Variants in PLSCR1 observed in about 807,000 individuals in gnomAD.
PLSCR1 encodes the protein PL scramblase 1.
Under a neutral mutation model 37.8 loss-of-function variants are expected in PLSCR1, and 17 were observed. The ratio of observed to expected loss-of-function variants is 0.45; its 90% confidence interval spans 0.31 to 0.68. The LOEUF is 0.68. Among genes scored for constraint, PLSCR1 ranks in the 30% least tolerant of loss-of-function variants. PLSCR1 has a pLI of 0.06. For missense variants in PLSCR1, 347 were observed against 380.9 expected (o/e 0.91, Z 0.74); for synonymous variants, 116 against 125.9 (o/e 0.92, Z 0.53).
rs752825079 is a variant in PLSCR1 at position 146,525,699 on chromosome 3, A to G, written c.313-52T>C. The stretch of plus-strand genomic sequence containing the variant: ...ATGTATATGTCAAATGAAGGTTTTT[A>G]TAAGCTAACCAAATTAAAATTCATG... On this transcript the variant is annotated intron_variant, in intron 4 of 8. Transcript: ENST00000342435. 3.7e-6 allele frequency: 3 copies of G among 809,272 alleles called. No individual in the cohort carries two copies. In the South Asian group the frequency reaches 4.9e-5, roughly 13 times the overall value. The allele number at this position is 809,272 out of a possible 1,614,324, so 50.1% of individuals were successfully genotyped here. A position where few individuals can be genotyped will look rare whatever the true frequency, so the allele number is the denominator to read the frequency against.
At chr3:146,516,549 T>A (rs2043949300) in intron 8 of PLSCR1, 1 of 167,386 alleles carries the variant, frequency 6.0e-6, no homozygotes, top group South Asian at 1.6e-4. Context: ...ATCCAATTAT[T>A]TCCTGTAATT....
At chr3:146,523,214 G>A (rs1235309758) in intron 5 of PLSCR1, among the ~76,000 whole-genome samples, 1 of 152,164 alleles carries the variant, frequency 6.6e-6, no homozygotes, top group Non-Finnish European at 1.5e-5. Context: ...AAGTGTGGAG[G>A]GGCAACCCAT....
chr3:146,516,056 C>T lies in PLSCR1; in HGVS notation c.946G>A (p.Gly316Arg). 6.2e-7 allele frequency: 1 copy of T among 1,607,554 alleles called. No homozygotes were observed. The highest frequency in any genetic ancestry group is 8.5e-7 in the Non-Finnish European group (1 of 1,174,890). ...ESTGSQEQKSGVW is the reference protein window; with the variant it reads ...ESTGSQEQKSRVW ...CTTTCACTAATCCACTACCACACTC[C>T]TGATTTTTGTTCCTGGCTGCCAGTG... Residue 316 changes from glycine (G) to arginine (R), a missense_variant, in exon 9 of 9, where the codon GGA becomes AGA. Gly to Arg is a moderately radical substitution (Grantham distance 125, BLOSUM62 -2). Transcript: ENST00000342435.
intron 3 of PLSCR1, 117 bp downstream of exon 3, chr3:146,533,353 C>T: frequency 2.0e-6 from 1 of 492,176 alleles, no homozygotes; most frequent in South Asian, 5.0e-5. Flanking sequence ...AAAAGAACTA[C>T]TAAAATAAAA....
intron 3 of PLSCR1, among the ~76,000 whole-genome samples, chr3:146,531,641 T>C (rs1206681960): frequency 1.3e-5 from 2 of 152,246 alleles, no homozygotes; most frequent in African/African-American, 2.4e-5. Context: ...TGATTTAAAA[T>C]ATTTTAAATA....
Position 146,515,834 on chromosome 3 carries a change from A to C in PLSCR1, c.*211T>G, listed in dbSNP as rs904298882. The stretch of plus-strand genomic sequence containing the variant: ...GTTTCATTAATAAATGCAAAAACTC[A>C]TATGTCCTTTTTCTCAAATTGACAA... On this transcript the variant is annotated 3_prime_UTR_variant, in exon 9 of 9. Transcript: ENST00000342435. The C allele has an allele frequency of 9.0e-5, 35 of 390,710 alleles. No individual in the cohort carries two copies. The highest frequency in any genetic ancestry group is 2.7e-4 in the Admixed American group (6 of 22,268). 24.2% of individuals were successfully genotyped at this position (390,710 alleles called of 1,614,324 possible). A position where few individuals can be genotyped will look rare whatever the true frequency, so the allele number is the denominator to read the frequency against.
At chr3:146,537,441 G>A (rs1382880458) in intron 1 of PLSCR1, among the ~76,000 whole-genome samples, 1 of 152,022 alleles carries the variant, frequency 6.6e-6, no homozygotes, top group East Asian at 1.9e-4. Flanking sequence ...CCCCTTCCCA[G>A]GCCCACTCCA....
rs1560077376 is a variant in PLSCR1 at position 146,515,586 on chromosome 3, T to C, written c.*459A>G. 1 of 152,168 alleles carries C rather than the reference T, an allele frequency of 6.6e-6. No homozygotes were observed. The highest frequency in any genetic ancestry group is 1.5e-5 in the Non-Finnish European group (1 of 68,076). 9.4% of individuals were successfully genotyped at this position (152,168 alleles called of 1,614,324 possible). ...AACTTTTTAAAGATAATATGCATATTGAATATTATTTGAACATAATAGTAA... is the reference window on the plus strand; with the variant it reads ...AACTTTTTAAAGATAATATGCATATCGAATATTATTTGAACATAATAGTAA... On this transcript the variant is annotated 3_prime_UTR_variant, in exon 9 of 9. Transcript: ENST00000342435.
rs772181196 is a variant in PLSCR1 at position 146,528,706 on chromosome 3, A to G, written c.220T>C (p.Tyr74His). Residue 74 changes from tyrosine (Y) to histidine (H), a missense_variant, in exon 4 of 9, where the codon TAT becomes CAT. By Grantham distance (83) the Tyr-to-His change is moderately conservative. Transcript: ENST00000342435. Reference sequence around the variant, plus strand: ...CCTGCAGCTCCAACTGGCTGATTATATACTGGCTGATTATACACTGGCTGA... The same window carrying G: ...CCTGCAGCTCCAACTGGCTGATTATGTACTGGCTGATTATACACTGGCTGA... ...PNQPVYNQPV[Y>H]NQPVGAAGVP... is the part of the protein sequence containing the mutation. 1.2e-6 allele frequency: 2 copies of G among 1,605,872 alleles called. No homozygotes were observed. Among genetic ancestry groups the G allele is most frequent in the East Asian group, 2.2e-5 (1 of 44,894 alleles).
At chr3:146,519,536 C>T (rs72986629) in intron 7 of PLSCR1, among the ~76,000 whole-genome samples, 10,771 of 152,020 alleles carry the variant, frequency 0.071, 460 homozygotes, top group African/African-American at 0.13. Flanking sequence ...GTCTACTAGG[C>T]TCTCTCTTAC....
At position 146,516,091 on chromosome 3, in the gene PLSCR1, A is replaced by T; in HGVS notation, c.911T>A (p.Phe304Tyr). The T allele has an allele frequency of 6.2e-7, 1 of 1,606,778 alleles. No individual in the cohort carries two copies. The highest frequency in any genetic ancestry group is 8.5e-7 in the Non-Finnish European group (1 of 1,174,556). ...IGACFLIDFM[F>Y]FESTGSQEQK... ...TTCCTGGCTGCCAGTGCTTTCAAAA[A>T]ACATGAAGTCCTAGATAAAAACAAA... Residue 304 changes from phenylalanine to tyrosine, a missense_variant, in exon 9 of 9, where the codon TTT (phenylalanine) becomes TAT (tyrosine). By Grantham distance (22) the Phe-to-Tyr change is conservative. Transcript: ENST00000342435.
intron 7 of PLSCR1, 33 bp from the exon 8 acceptor site, chr3:146,517,200 T>G: frequency 7.8e-7 from 1 of 1,286,558 alleles, no homozygotes; most frequent in East Asian, 2.6e-5. Context: ...TAAATACTTT[T>G]AGGAAACTTA....
rs189067084 is a variant in PLSCR1, at chr3:146,516,079, G to T, written c.923C>A (p.Thr308Asn). 83 of 1,608,402 alleles carry T rather than the reference G, an allele frequency of 5.2e-5. No individual in the cohort carries two copies. In the East Asian group the frequency reaches 1.8e-3, roughly 34 times the overall value. The part of the protein sequence containing the change: ...FLIDFMFFES[T>N]GSQEQKSGVW ...TCCTGATTTTTGTTCCTGGCTGCCA[G>T]TGCTTTCAAAAAACATGAAGTCCTA... The change falls in exon 9 of 9, where the codon ACT becomes AAT. Residue 308 changes from threonine to asparagine, a missense_variant. Coordinates refer to ENST00000342435, the MANE Select transcript of PLSCR1 (RefSeq NM_021105.3).
At chr3:146,538,798 T>C (rs1455372567) in intron 1 of PLSCR1, among the ~76,000 whole-genome samples, 1 of 152,168 alleles carries the variant, frequency 6.6e-6, no homozygotes, top group Non-Finnish European at 1.5e-5. Context: ...ACATCTGAAA[T>C]AGAAAATATT....
chr3:146,520,641 G>A (rs2044006416), intron 7 of PLSCR1, among the ~76,000 whole-genome samples: 1 of 152,048 alleles, frequency 6.6e-6, no homozygotes, highest in African/African-American at 2.4e-5. Context: ...TCTGACGGAG[G>A]AATAAAATAC....
chr3:146,526,054 G>T (rs1177800135), intron 4 of PLSCR1, among the ~76,000 whole-genome samples: 2 of 151,300 alleles, frequency 1.3e-5, no homozygotes, highest in African/African-American at 4.9e-5. Context: ...GTGGTGGCAG[G>T]TGCCTGTAGT....
chr3:146,519,583 T>C (rs414657), intron 7 of PLSCR1, among the ~76,000 whole-genome samples: 69,057 of 151,566 alleles, frequency 0.46, 16,601 homozygotes, highest in African/African-American at 0.6. Context: ...ATTCAATTAC[T>C]GTCTGTTTGC....
At chr3:146,534,495 G>A (rs1309004010) in intron 2 of PLSCR1, among the ~76,000 whole-genome samples, 3 of 152,118 alleles carry the variant, frequency 2.0e-5, no homozygotes, top group Admixed American at 6.5e-5. Flanking sequence ...TCTCTATTAT[G>A]AACTTTCAAA....
Position 146,521,663 on chromosome 3 carries a change from T to A in PLSCR1, c.619A>T (p.Ile207Phe). The change falls in exon 7 of 9, where the codon ATT becomes TTT. Residue 207 changes from isoleucine to phenylalanine, a missense_variant. By Grantham distance (21) the Ile-to-Phe change is conservative. Coordinates refer to ENST00000342435, the MANE Select transcript of PLSCR1 (RefSeq NM_021105.3). ...APPGVPIGYV[I>F]QTWHPCLPKF... The stretch of plus-strand genomic sequence containing the variant: ...GGTAGACATGGGTGCCAAGTCTGAA[T>A]AACATAACCTATTGGTACACCAGGA... 2 of 1,613,590 alleles carry A rather than the reference T, an allele frequency of 1.2e-6. No individual in the cohort carries two copies. The highest frequency in any genetic ancestry group is 1.7e-6 in the Non-Finnish European group (2 of 1,179,516).
Sources: allele counts gnomAD v4.1 joint callset (sites outside exome capture counted in the v4.1 genomes callset), GRCh38; gene constraint gnomAD v4.1.1; transcripts MANE v1.5; gene names NCBI Gene and HGNC (gene_info 2026-07-23, HGNC 2026-07-21).